Variants in KDM4C observed in about 807,000 individuals in gnomAD.
The protein encoded by KDM4C is lysine-specific demethylase 4C.
Under a neutral mutation model 129.3 loss-of-function variants are expected in KDM4C, and 81 were observed. The ratio of observed to expected loss-of-function variants is 0.63; its 90% CI spans 0.52 to 0.75. KDM4C has a LOEUF of 0.75. Ranked by LOEUF, KDM4C falls within the 30% of genes least tolerant of loss-of-function variation. The pLI, the probability that KDM4C is intolerant of heterozygous loss-of-function variation, is 0.00. For synonymous variants in KDM4C, 573 were observed against 456.1 expected (o/e 1.26, Z -3.26); for missense variants, 1,457 against 1,304.0 (o/e 1.12, Z -1.81).
intron 17 of KDM4C, among the ~76,000 whole-genome samples, chr9:7,073,279 TC>T: frequency 6.6e-6 from 1 of 152,374 alleles, no homozygotes; most frequent in East Asian, 1.9e-4. Context: ...TATTGCTTTT[TC>T]ATTGTGATAA....
At chr9:6,760,517 A>T (rs1396687212) in intron 1 of KDM4C, among the ~76,000 whole-genome samples, 2 of 149,952 alleles carry the variant, frequency 1.3e-5, no homozygotes, top group Non-Finnish European at 3.0e-5. Flanking sequence ...GTAAGGAGGG[A>T]TAGTTAGTCT....
At chr9:7,057,284 C>T (rs1830992795) in intron 17 of KDM4C, among the ~76,000 whole-genome samples, 3 of 152,256 alleles carry the variant, frequency 2.0e-5, no homozygotes, top group African/African-American at 7.2e-5. Context: ...CTTTATCTAA[C>T]ATGAGCTCCT....
chr9:6,883,739 A>C (rs1198388684), intron 6 of KDM4C, among the ~76,000 whole-genome samples: 2 of 152,112 alleles, frequency 1.3e-5, no homozygotes, highest in African/African-American at 4.8e-5. Context: ...CTTTGATTTG[A>C]GGGTGCCAAT....
chr9:7,072,604 G>A (rs1464192602), intron 17 of KDM4C, among the ~76,000 whole-genome samples: 1 of 152,086 alleles, frequency 6.6e-6, no homozygotes, highest in East Asian at 1.9e-4. Flanking sequence ...ATTAGTGCTG[G>A]GCCTTATGCA....
chr9:7,010,910 G>C (rs1042950621), intron 12 of KDM4C, among the ~76,000 whole-genome samples: 1 of 152,108 alleles, frequency 6.6e-6, no homozygotes, highest in Non-Finnish European at 1.5e-5. Context: ...TAGGCATGGT[G>C]GTGGGTGGCT....
intron 15 of KDM4C, among the ~76,000 whole-genome samples, chr9:7,041,881 C>G (rs1453112417): frequency 6.6e-6 from 1 of 152,010 alleles, no homozygotes; most frequent in Non-Finnish European, 1.5e-5. Context: ...TATGGAATAT[C>G]TTTTGCTGTT....
intron 8 of KDM4C, among the ~76,000 whole-genome samples, chr9:6,908,371 C>G (rs1474426284): frequency 1.3e-5 from 2 of 152,162 alleles, no homozygotes; most frequent in African/African-American, 4.8e-5. Flanking sequence ...TGGGTACAGA[C>G]AGGCACACAC....
At chr9:6,987,771 A>G (rs1183289429) in intron 11 of KDM4C, among the ~76,000 whole-genome samples, 1 of 152,166 alleles carries the variant, frequency 6.6e-6, no homozygotes, top group African/African-American at 2.4e-5. Context: ...AAACACATCA[A>G]AAATATGAAA....
At chr9:6,817,833 C>G (rs901806450) in intron 4 of KDM4C, among the ~76,000 whole-genome samples, 97 of 133,480 alleles carry the variant, frequency 7.3e-4, no homozygotes, top group Middle Eastern at 0.01. Flanking sequence ...GTGGCGCTAT[C>G]TTGGCTCACT....
rs550548239 is a variant in KDM4C at position 6,789,365 on chromosome 9, CAT to C, written c.-17-3606_-17-3605del. 1.4e-4 allele frequency among the ~76,000 whole-genome samples: 22 copies of C among 151,926 alleles called. No individual in the cohort carries two copies. In the South Asian group the frequency reaches 4.4e-3, roughly 30 times the overall value. ...CCTCCCGAATAGCTTGGCTTATAGA[CAT>C]GTGCCACCACGCCTGGCTAATTTTT... is the stretch of plus-strand genomic sequence containing the variant. On this transcript the variant is annotated intron_variant, in intron 1 of 21. Coordinates refer to ENST00000381309, the MANE Select transcript of KDM4C (RefSeq NM_015061.6).
intron 19 of KDM4C, among the ~76,000 whole-genome samples, chr9:7,164,365 C>T (rs1460161580): frequency 1.9e-5 from 2 of 107,322 alleles, no homozygotes; most frequent in African/African-American, 3.5e-5. Context: ...AAACAAAAAG[C>T]ACCTTTCAGG....
intron 17 of KDM4C, among the ~76,000 whole-genome samples, chr9:7,092,862 A>G (rs1835964173): frequency 6.6e-6 from 1 of 152,108 alleles, no homozygotes; most frequent in Non-Finnish European, 1.5e-5. Context: ...GTTTGAAGAG[A>G]TCTCACAGAA....
chr9:7,009,004 C>A (rs972003011), intron 12 of KDM4C, among the ~76,000 whole-genome samples: 1 of 152,130 alleles, frequency 6.6e-6, no homozygotes, highest in Non-Finnish European at 1.5e-5. Flanking sequence ...AAACATGACA[C>A]CACTGAGGGA....
intron 15 of KDM4C, among the ~76,000 whole-genome samples, chr9:7,028,285 G>A (rs895839166): frequency 1.3e-5 from 2 of 151,750 alleles, no homozygotes; most frequent in African/African-American, 2.4e-5. Context: ...AGGGCTCAAG[G>A]GCTGTTTAGT....
chr9:6,808,690 TAAAAAAA>T (rs908471656), intron 3 of KDM4C, among the ~76,000 whole-genome samples: 2 of 63,848 alleles, frequency 3.1e-5, no homozygotes, highest in Non-Finnish European at 6.8e-5. Context: ...GAATTATCAA[TAAAAAAA>T]AAAAAAAAAA....
intron 1 of KDM4C, among the ~76,000 whole-genome samples, chr9:6,736,618 A>T (rs1817535602): frequency 6.6e-6 from 1 of 152,150 alleles, no homozygotes; most frequent in African/African-American, 2.4e-5. Flanking sequence ...GAGGTTTGGG[A>T]ACCTCAATTA....
intron 5 of KDM4C, among the ~76,000 whole-genome samples, chr9:6,859,283 C>A (rs1840486986): frequency 6.6e-6 from 1 of 151,862 alleles, no homozygotes; most frequent in East Asian, 1.9e-4. Flanking sequence ...CAAGACCATC[C>A]TGGCCAACGT....
intron 18 of KDM4C, among the ~76,000 whole-genome samples, chr9:7,112,402 G>T (rs2133225516): frequency 6.6e-6 from 1 of 152,262 alleles, no homozygotes; most frequent in Non-Finnish European, 1.5e-5. Context: ...TCCAGAGAGG[G>T]TGAGAAGAAA....
chr9:6,876,196 G>A (rs568376689), intron 5 of KDM4C, among the ~76,000 whole-genome samples: 8 of 152,102 alleles, frequency 5.3e-5, no homozygotes, highest in Admixed American at 5.2e-4. Context: ...TGGATGTGGG[G>A]GGCAGCAAGT....
Sources: gnomAD v4.1 joint callset for allele counts (sites outside exome capture counted in the v4.1 genomes callset) on GRCh38, gnomAD v4.1.1 for gene constraint, MANE v1.5 for transcripts, NCBI Gene and HGNC (gene_info 2026-07-23, HGNC 2026-07-21) for gene names.